Variants in ODR4 observed in about 807,000 individuals in gnomAD.
ODR4 encodes the protein protein odr-4 homolog.
A neutral mutation model predicts 60.2 loss-of-function variants in ODR4; 47 were observed. The observed-to-expected ratio is 0.78, with a 90% CI of 0.62 to 1.00. The LOEUF (loss-of-function observed/expected upper bound fraction) is 1.00. Among genes scored for constraint, ODR4 ranks in the 50% least tolerant of loss-of-function variants. ODR4 has a pLI of 0.00. For missense variants in ODR4, 488 were observed against 530.8 expected (o/e 0.92, Z 0.79); for synonymous variants, 178 against 175.5 (o/e 1.01, Z -0.11).
chr1:186,401,080 A>G, intron 11 of ODR4: 1 of 1,597,334 alleles, frequency 6.3e-7, no homozygotes, highest in South Asian at 1.1e-5. Context: ...TTAAAGATTT[A>G]CCTTAGCAGA....
chr1:186,418,958 TTTC>T (rs910189130), intron 13 of ODR4, 48 bp from the exon 14 acceptor site: 16 of 1,527,700 alleles, frequency 1.0e-5, no homozygotes, highest in Non-Finnish European at 1.3e-5. Context: ...TAGTTTGGCC[TTTC>T]TTTTGCTCAT....
intron 11 of ODR4, chr1:186,401,031 C>A: frequency 1.3e-6 from 2 of 1,586,310 alleles, no homozygotes; most frequent in Admixed American, 1.7e-5. Context: ...TTGCAGGTTT[C>A]AGGATTTGCA....
chr1:186,417,768 G>T, intron 13 of ODR4, 114 bp downstream of exon 13: 1 of 637,652 alleles, frequency 1.6e-6, no homozygotes, highest in Non-Finnish European at 2.8e-6. Flanking sequence ...AGACTTAACA[G>T]TATTTATTGG....
At chr1:186,402,180 G>A (rs1660986908) in intron 11 of ODR4, among the ~76,000 whole-genome samples, 1 of 46,554 alleles carries the variant, frequency 2.1e-5, no homozygotes, top group African/African-American at 6.9e-5. Flanking sequence ...AACTTTATAG[G>A]CATCCTATTC....
At chr1:186,389,749 A>C (rs1660389479) in intron 6 of ODR4, 125 bp downstream of exon 6, 3 of 638,282 alleles carry the variant, frequency 4.7e-6, no homozygotes, top group African/African-American at 1.9e-5. Context: ...AAACAACTGT[A>C]GTTTTTATTT....
chr1:186,426,823 C>A, the ODR4 span, among the ~76,000 whole-genome samples: 5 of 152,078 alleles, frequency 3.3e-5, no homozygotes, highest in East Asian at 3.9e-4. Context: ...CCCAGACAAC[C>A]AAAACTAAGC....
intron 12 of ODR4, among the ~76,000 whole-genome samples, chr1:186,412,433 G>A (rs1661411852): frequency 6.6e-6 from 1 of 151,968 alleles, no homozygotes; most frequent in South Asian, 2.1e-4. Context: ...TTGAACACTG[G>A]TATGAGATGT....
chr1:186,394,513 A>C (rs1196123632), intron 9 of ODR4, among the ~76,000 whole-genome samples: 1 of 152,196 alleles, frequency 6.6e-6, no homozygotes, highest in Non-Finnish European at 1.5e-5. Flanking sequence ...TAAAAGTTGG[A>C]TATCTTAAAG....
intron 11 of ODR4, among the ~76,000 whole-genome samples, chr1:186,402,249 C>CCTTTCTTTCT (rs1661008478): frequency 1.0e-4 from 2 of 19,188 alleles, no homozygotes; most frequent in African/African-American, 3.5e-4. Flanking sequence ...CTTTCTTTCT[C>CCTTTCTTTCT]TTCTTTTCCC....
intron 13 of ODR4, among the ~76,000 whole-genome samples, 165 bp from the exon 14 acceptor site, chr1:186,418,844 A>G (rs1661685230): frequency 6.6e-6 from 1 of 152,158 alleles, no homozygotes; most frequent in Non-Finnish European, 1.5e-5. Flanking sequence ...TTTCTCTAAG[A>G]TGTTGCTGCC....
chr1:186,383,199 A>G, intron 3 of ODR4, 43 bp downstream of exon 3: 1 of 1,525,906 alleles, frequency 6.6e-7, no homozygotes, highest in South Asian at 1.3e-5. Context: ...TTTATTTCAA[A>G]AAAGAGCTAG....
chr1:186,377,822 G>A (rs1027262894), intron 1 of ODR4, among the ~76,000 whole-genome samples: 1 of 152,184 alleles, frequency 6.6e-6, no homozygotes, highest in Non-Finnish European at 1.5e-5. Context: ...AAGGCAGGCA[G>A]ATCACACGGT....
intron 1 of ODR4, among the ~76,000 whole-genome samples, chr1:186,376,525 A>T (rs181641687): frequency 6.6e-6 from 1 of 152,096 alleles, no homozygotes; most frequent in Non-Finnish European, 1.5e-5. Flanking sequence ...TGAATTGGTG[A>T]TTTAGTTCTT....
chr1:186,398,445 CA>C lies in ODR4; in HGVS notation c.909+9del. On this transcript the variant is annotated splice_donor_5th_base_variant and intron_variant, in intron 10 of 13. Coordinates refer to ENST00000287859, the MANE Select transcript of ODR4 (RefSeq NM_017847.6). Reference sequence around the variant, plus strand: ...CAAAGTTAAAGATGCTGTGCAGGTACAAAAAGGAATAACGAGCATATGGAAC... The same window carrying C: ...CAAAGTTAAAGATGCTGTGCAGGTACAAAAGGAATAACGAGCATATGGAAC... 1 of 1,594,996 alleles carries C rather than the reference CA, an allele frequency of 6.3e-7. No individual in the cohort carries two copies. The highest frequency in any genetic ancestry group is 8.5e-7 in the Non-Finnish European group (1 of 1,171,160).
intron 7 of ODR4, among the ~76,000 whole-genome samples, chr1:186,391,325 C>T (rs1373490069): frequency 1.4e-5 from 2 of 144,772 alleles, no homozygotes; most frequent in African/African-American, 5.1e-5. Context: ...TCATTTTTCC[C>T]ATTGAAGATG....
At chr1:186,409,595 G>A (rs2102079054) in intron 12 of ODR4, among the ~76,000 whole-genome samples, 1 of 152,310 alleles carries the variant, frequency 6.6e-6, no homozygotes, top group Admixed American at 6.5e-5. Flanking sequence ...TCCCAAGCTG[G>A]ATTGCAATGT....
At chr1:186,387,105 A>AT (rs148418723) in intron 4 of ODR4, among the ~76,000 whole-genome samples, 6,816 of 152,144 alleles carry the variant, frequency 0.045, 500 homozygotes, top group African/African-American at 0.16. Context: ...CCAGAAAAAC[A>AT]TTTTTTAGGT....
intron 2 of ODR4, among the ~76,000 whole-genome samples, chr1:186,381,882 C>T (rs1432274156): frequency 6.6e-6 from 1 of 152,126 alleles, no homozygotes; most frequent in Non-Finnish European, 1.5e-5. Flanking sequence ...ATGTAACTTC[C>T]TGAAAATAAC....
At chr1:186,398,506 CA>C in intron 10 of ODR4, 65 bp downstream of exon 10, 2 of 1,439,940 alleles carry the variant, frequency 1.4e-6, no homozygotes, top group Non-Finnish European at 1.9e-6. Flanking sequence ...AAAATTTTAC[CA>C]TTTTTTAATC....
Sources: allele counts gnomAD v4.1 joint callset (sites outside exome capture counted in the v4.1 genomes callset), GRCh38; gene constraint gnomAD v4.1.1; transcripts MANE v1.5; gene names NCBI Gene and HGNC (gene_info 2026-07-23, HGNC 2026-07-21).